The following SLC1A2 variants were observed in gnomAD, a reference collection of about 807,000 sequenced individuals.
The protein encoded by SLC1A2 is solute carrier family 1 member 2.
SLC1A2 carries 15 observed loss-of-function variants against 48.8 expected under a neutral mutation model. The ratio of observed to expected loss-of-function variants is 0.31; its 90% CI spans 0.21 to 0.47. The LOEUF (loss-of-function observed/expected upper bound fraction) is 0.47, where lower values mean the gene tolerates loss of function less well. Among genes scored for constraint, SLC1A2 ranks in the 20% least tolerant of loss-of-function variants. The probability of loss-of-function intolerance (pLI) is 0.99; values close to 1 mark genes in which losing one functional copy is unlikely to be tolerated. For synonymous variants in SLC1A2, 279 were observed against 272.6 expected (o/e 1.02, Z -0.23); for missense variants, 502 against 730.5 (o/e 0.69, Z 3.61).
chr11:35,301,506 C>A lies in SLC1A2; in HGVS notation c.857+13G>T. 6.2e-7 allele frequency: 1 copy of A among 1,612,852 alleles called. No homozygotes were observed. The highest frequency in any genetic ancestry group is 8.5e-7 in the Non-Finnish European group (1 of 1,179,264). ...TCAACCCACTGCTAAGAAGTAAGAA[C>A]AAGGCCACTTACCACATGATCATGA... On this transcript the variant is annotated intron_variant, in intron 6 of 10. Coordinates refer to ENST00000278379, the MANE Select transcript of SLC1A2 (RefSeq NM_004171.4).
intron 1 of SLC1A2, among the ~76,000 whole-genome samples, chr11:35,339,672 T>C (rs867823534): frequency 6.6e-6 from 1 of 152,168 alleles, no homozygotes; most frequent in African/African-American, 2.4e-5. Flanking sequence ...ATAAGTTGGA[T>C]GGGCAGATGG....
intron 1 of SLC1A2, among the ~76,000 whole-genome samples, chr11:35,400,413 T>C (rs1462699710): frequency 1.3e-5 from 2 of 152,218 alleles, no homozygotes; most frequent in Admixed American, 1.3e-4. Context: ...CTGTAGGTTA[T>C]GCTCCCACTA....
intron 1 of SLC1A2, among the ~76,000 whole-genome samples, chr11:35,402,442 G>T: frequency 6.6e-6 from 1 of 152,150 alleles, no homozygotes; most frequent in Non-Finnish European, 1.5e-5. Flanking sequence ...AGGCATGAAA[G>T]CTCCGAGCCC....
At chr11:35,345,374 T>A (rs78977831) in intron 1 of SLC1A2, among the ~76,000 whole-genome samples, 340 of 152,316 alleles carry the variant, frequency 2.2e-3, no homozygotes, top group Non-Finnish European at 3.5e-3. Context: ...TTCTGCTGAG[T>A]TCTGAGGAAA....
At chr11:35,394,880 A>C (rs1854903160) in intron 1 of SLC1A2, among the ~76,000 whole-genome samples, 1 of 152,232 alleles carries the variant, frequency 6.6e-6, no homozygotes, top group African/African-American at 2.4e-5. Context: ...ATACAGCTGC[A>C]GGTATGTTGC....
At chr11:35,348,349 G>C (rs1254083617) in intron 1 of SLC1A2, among the ~76,000 whole-genome samples, 1 of 152,090 alleles carries the variant, frequency 6.6e-6, no homozygotes, top group East Asian at 1.9e-4. Flanking sequence ...ATTTCTAAGG[G>C]TCTCACCTCA....
chr11:35,414,189 T>C (rs921144464), intron 1 of SLC1A2, among the ~76,000 whole-genome samples: 3 of 152,194 alleles, frequency 2.0e-5, no homozygotes, highest in Admixed American at 6.5e-5. Context: ...AGACATTAAA[T>C]ACATGAATGA....
chr11:35,409,533 G>C (rs1456340000), intron 1 of SLC1A2, among the ~76,000 whole-genome samples: 1 of 151,998 alleles, frequency 6.6e-6, no homozygotes, highest in African/African-American at 2.4e-5. Context: ...CTTTCCATTG[G>C]ACATGGCACC....
chr11:35,348,403 C>G (rs1308147351), intron 1 of SLC1A2, among the ~76,000 whole-genome samples: 1 of 150,708 alleles, frequency 6.6e-6, no homozygotes, highest in African/African-American at 2.4e-5. Context: ...CTTTGTTTCT[C>G]AACCCTCAAT....
At chr11:35,399,520 G>A in intron 1 of SLC1A2, 1 of 611,472 alleles carries the variant, frequency 1.6e-6, no homozygotes, top group African/African-American at 2.0e-5. Context: ...GCTAGGAGAA[G>A]GAGGAGGCAA....
chr11:35,398,063 C>T (rs923565046), intron 1 of SLC1A2, among the ~76,000 whole-genome samples: 3 of 152,172 alleles, frequency 2.0e-5, no homozygotes, highest in Non-Finnish European at 4.4e-5. Context: ...TCTCAACATG[C>T]TTTGACTGTG....
intron 5 of SLC1A2, among the ~76,000 whole-genome samples, chr11:35,302,071 T>G (rs970993757): frequency 6.6e-6 from 1 of 152,228 alleles, no homozygotes; most frequent in Admixed American, 6.5e-5. Context: ...AATTAGCCAA[T>G]AAATTCTTTG....
At chr11:35,316,585 G>A (rs923086478) in intron 2 of SLC1A2, 1 of 152,320 alleles carries the variant, frequency 6.6e-6, no homozygotes, top group Non-Finnish European at 1.5e-5. Flanking sequence ...TGGAATGGAG[G>A]GGTTCAGGTA....
chr11:35,363,561 A>T (rs974958780), intron 1 of SLC1A2, among the ~76,000 whole-genome samples: 11 of 152,120 alleles, frequency 7.2e-5, no homozygotes, highest in African/African-American at 2.7e-4. Context: ...TCTCTAACAC[A>T]TCTGGCTTGG....
intron 1 of SLC1A2, among the ~76,000 whole-genome samples, chr11:35,337,344 C>T (rs959590633): frequency 3.3e-5 from 5 of 152,144 alleles, no homozygotes; most frequent in Non-Finnish European, 7.3e-5. Flanking sequence ...GTCAGAAAGG[C>T]AGTGAGTAAC....
upstream of SLC1A2, chr11:35,420,171 C>T (rs1449875490): frequency 1.1e-5 from 2 of 184,896 alleles, no homozygotes; most frequent in East Asian, 3.5e-4. Context: ...GAGAGGTCGG[C>T]CTCGTGGGTG....
intron 1 of SLC1A2, among the ~76,000 whole-genome samples, chr11:35,409,163 C>G (rs4144754): frequency 1.3e-5 from 2 of 152,058 alleles, no homozygotes; most frequent in East Asian, 3.9e-4. Context: ...CTGAACATAT[C>G]TTAATATTTG....
intron 1 of SLC1A2, among the ~76,000 whole-genome samples, chr11:35,369,600 G>A (rs774357000): frequency 2.0e-5 from 3 of 152,196 alleles, no homozygotes; most frequent in Non-Finnish European, 4.4e-5. Flanking sequence ...ACATGAGATC[G>A]TCACACCTAC....
chr11:35,359,985 A>T, intron 1 of SLC1A2: 1 of 493,892 alleles, frequency 2.0e-6, no homozygotes, highest in African/African-American at 2.1e-5. Flanking sequence ...ATGCAAACTG[A>T]TTCCTCCCTT....
Sources: gnomAD v4.1 joint callset for allele counts (sites outside exome capture counted in the v4.1 genomes callset) on GRCh38, gnomAD v4.1.1 for gene constraint, MANE v1.5 for transcripts, NCBI Gene and HGNC (gene_info 2026-07-23, HGNC 2026-07-21) for gene names.